The following PALM2AKAP2 variants were observed in gnomAD, a reference collection of about 807,000 sequenced individuals.
The protein encoded by PALM2AKAP2 is PALM2-AKAP2 fusion protein.
A neutral mutation model predicts 71.5 loss-of-function variants in PALM2AKAP2; 37 were observed. The ratio of observed to expected loss-of-function variants is 0.52; its 90% CI spans 0.40 to 0.68. The LOEUF (loss-of-function observed/expected upper bound fraction) is 0.68. Ranked by LOEUF, PALM2AKAP2 falls within the 30% of genes least tolerant of loss-of-function variation. The pLI is 0.00. For missense variants in PALM2AKAP2, 1,224 were observed against 1,191.8 expected (o/e 1.03, Z -0.40); for synonymous variants, 468 against 478.8 (o/e 0.98, Z 0.29).
At chr9:109,923,257 C>G (rs909086636) in intron 3 of PALM2AKAP2, among the ~76,000 whole-genome samples, 5 of 152,302 alleles carry the variant, frequency 3.3e-5, no homozygotes, top group Non-Finnish European at 7.4e-5. Context: ...GGAGAGGACA[C>G]CAGGCTCCCA....
intron 6 of PALM2AKAP2, among the ~76,000 whole-genome samples, chr9:109,960,589 A>G (rs12003083): frequency 0.069 from 10,509 of 152,284 alleles, 415 homozygotes; most frequent in South Asian, 0.18. Flanking sequence ...TCTAGTCTGC[A>G]CAACATAGCA....
intron 1 of PALM2AKAP2, chr9:109,847,666 A>G (rs1317865545): frequency 1.3e-5 from 2 of 151,666 alleles, no homozygotes; most frequent in Non-Finnish European, 2.9e-5. Context: ...GCGTGAACCC[A>G]GGAGGCAGAG....
intron 1 of PALM2AKAP2, among the ~76,000 whole-genome samples, chr9:110,098,425 C>T (rs944640892): frequency 2.0e-5 from 3 of 152,110 alleles, no homozygotes; most frequent in African/African-American, 7.2e-5. Context: ...GATGGTTGCA[C>T]AAGCCTGTGA....
At chr9:109,910,915 G>A (rs2131891958) in intron 3 of PALM2AKAP2, among the ~76,000 whole-genome samples, 1 of 152,352 alleles carries the variant, frequency 6.6e-6, no homozygotes, top group South Asian at 2.1e-4. Context: ...AACTAGAACA[G>A]GATGCAGGGT....
chr9:109,892,123 T>G (rs1292758138), intron 3 of PALM2AKAP2, among the ~76,000 whole-genome samples: 1 of 152,200 alleles, frequency 6.6e-6, no homozygotes, highest in African/African-American at 2.4e-5. Context: ...GTTCGTGGCT[T>G]AAAACAGCTC....
chr9:109,940,254 A>C (rs1293963268), intron 6 of PALM2AKAP2, among the ~76,000 whole-genome samples: 1 of 152,214 alleles, frequency 6.6e-6, no homozygotes, highest in East Asian at 1.9e-4. Flanking sequence ...AAGCTGATGA[A>C]ACATTCCCAC....
At chr9:109,789,705 C>T (rs1204609721) in intron 1 of PALM2AKAP2, among the ~76,000 whole-genome samples, 2 of 152,276 alleles carry the variant, frequency 1.3e-5, no homozygotes, top group Middle Eastern at 3.4e-3. Context: ...AAAGGTTGCT[C>T]ATAAGTGCTC....
At chr9:109,815,684 A>G (rs1463767111) in intron 1 of PALM2AKAP2, among the ~76,000 whole-genome samples, 3 of 152,224 alleles carry the variant, frequency 2.0e-5, no homozygotes, top group Non-Finnish European at 1.5e-5. Context: ...CCTCACAAGA[A>G]TGGAAAAGCA....
At chr9:109,880,114 G>A (rs537880024) in intron 2 of PALM2AKAP2, among the ~76,000 whole-genome samples, 2 of 152,276 alleles carry the variant, frequency 1.3e-5, no homozygotes, top group East Asian at 3.9e-4. Context: ...CTTTAATATG[G>A]ACCAGATATT....
intron 1 of PALM2AKAP2, among the ~76,000 whole-genome samples, chr9:110,113,164 C>A (rs1004185784): frequency 6.6e-6 from 1 of 151,812 alleles, no homozygotes; most frequent in Non-Finnish European, 1.5e-5. Context: ...CACAGGTATT[C>A]TTTGCTGTTT....
At chr9:109,788,803 T>C (rs760936790) in intron 1 of PALM2AKAP2, among the ~76,000 whole-genome samples, 2 of 152,220 alleles carry the variant, frequency 1.3e-5, no homozygotes, top group African/African-American at 2.4e-5. Context: ...CCGGGTGCGG[T>C]GGCGCACTCC....
intron 2 of PALM2AKAP2, among the ~76,000 whole-genome samples, chr9:109,872,442 T>C (rs1829623511): frequency 6.6e-6 from 1 of 152,206 alleles, no homozygotes; most frequent in South Asian, 2.1e-4. Flanking sequence ...CATGAATTCC[T>C]TGGAGACTGT....
intron 3 of PALM2AKAP2, among the ~76,000 whole-genome samples, chr9:109,899,825 C>T (rs1830289779): frequency 6.6e-6 from 1 of 152,190 alleles, no homozygotes; most frequent in Non-Finnish European, 1.5e-5. Context: ...CATCAAGTCT[C>T]AGCTGAGATA....
chr9:109,918,189 T>C (rs1386141158), intron 3 of PALM2AKAP2, among the ~76,000 whole-genome samples: 1 of 152,220 alleles, frequency 6.6e-6, no homozygotes, highest in Non-Finnish European at 1.5e-5. Context: ...GTGCTCAGCA[T>C]AGTGCCTGAT....
exon 4 of PALM2AKAP2, chr9:110,170,922 C>T (rs1836844191): frequency 1.3e-5 from 2 of 152,514 alleles, no homozygotes; most frequent in African/African-American, 4.8e-5. Flanking sequence ...TTGCACAGCC[C>T]CAGGCACAGT....
At chr9:110,142,923 C>T (rs1028605607) in intron 2 of PALM2AKAP2, among the ~76,000 whole-genome samples, 1 of 152,196 alleles carries the variant, frequency 6.6e-6, no homozygotes, top group African/African-American at 2.4e-5. Flanking sequence ...CCCAAGCTGT[C>T]CTGCCTTCAC....
chr9:109,929,821 G>A (rs556932840), intron 5 of PALM2AKAP2, among the ~76,000 whole-genome samples: 81 of 136,840 alleles, frequency 5.9e-4, no homozygotes, highest in Non-Finnish European at 9.4e-4. Flanking sequence ...CTGAGATTGC[G>A]CCACTGCACT....
At chr9:110,031,458 T>A (rs1465013635) in intron 7 of PALM2AKAP2, among the ~76,000 whole-genome samples, 1 of 152,194 alleles carries the variant, frequency 6.6e-6, no homozygotes, top group Non-Finnish European at 1.5e-5. Context: ...TCCAACAGTA[T>A]GCATTTTCTA....
chr9:109,665,401 C>T (rs1827466866), intron 1 of PALM2AKAP2, among the ~76,000 whole-genome samples: 1 of 152,012 alleles, frequency 6.6e-6, no homozygotes, highest in Non-Finnish European at 1.5e-5. Flanking sequence ...GATGTTGATG[C>T]TATTCCTTTC....
Sources: allele counts gnomAD v4.1 joint callset (sites outside exome capture counted in the v4.1 genomes callset), GRCh38; gene constraint gnomAD v4.1.1; transcripts MANE v1.5; gene names NCBI Gene and HGNC (gene_info 2026-07-23, HGNC 2026-07-21).